TOPBP1: variants seen among roughly 807,000 people sequenced by gnomAD.
The protein encoded by TOPBP1 is DNA topoisomerase II binding protein 1.
TOPBP1 carries 28 observed loss-of-function variants against 167.7 expected under a neutral mutation model. The observed-to-expected ratio is 0.17, with a 90% CI of 0.12 to 0.23. TOPBP1 has a LOEUF of 0.23. TOPBP1 is among the 10% of genes least tolerant of loss of function. TOPBP1 has a pLI of 1.00. For synonymous variants in TOPBP1, 598 were observed against 611.4 expected, an observed-to-expected ratio of 0.98 and a Z score of 0.32; for missense variants, 1,554 against 1,809.6, an observed-to-expected ratio of 0.86 and a Z score of 2.56.
chr3:133,629,554 C>T (rs1935393003), intron 14 of TOPBP1, among the ~76,000 whole-genome samples: 1 of 152,090 alleles, frequency 6.6e-6, no homozygotes, highest in African/African-American at 2.4e-5. Context: ...CAGTTAGACC[C>T]AATTTCTTTT....
At chr3:133,656,585 G>C in intron 5 of TOPBP1, 91 bp downstream of exon 5, 1 of 1,251,996 alleles carries the variant, frequency 8.0e-7, no homozygotes. Flanking sequence ...TTTTTTCCCT[G>C]AATAGTAAGT....
chr3:133,631,945 A>G (rs1338804983), intron 14 of TOPBP1, among the ~76,000 whole-genome samples: 3 of 151,900 alleles, frequency 2.0e-5, no homozygotes, highest in South Asian at 4.2e-4. Context: ...GCTGATATCC[A>G]GTTGTTTAAA....
At chr3:133,654,075 C>T (rs6779063) in intron 6 of TOPBP1, among the ~76,000 whole-genome samples, 1 of 152,036 alleles carries the variant, frequency 6.6e-6, no homozygotes, top group East Asian at 1.9e-4. Flanking sequence ...AATACATATG[C>T]CATGTGAGAG....
Position 133,608,663 on chromosome 3 carries a change from C to T in TOPBP1, c.4297G>A (p.Glu1433Lys). The part of the protein sequence containing the change: ...LPGHSVPLFK[E>K]ATHLFSDLNK... ...AAGTCAGAAAAAAGATGTGTGGCCT[C>T]TTTAAATAAAGGTACAGAATGACCA... Residue 1433 changes from glutamate (E) to lysine (K), a missense_variant, in exon 27 of 28, where the codon GAG becomes AAG. Transcript: ENST00000260810. 1 of 1,613,530 alleles carries T rather than the reference C, an allele frequency of 6.2e-7. No individual in the cohort carries two copies. The highest frequency in any genetic ancestry group is 2.2e-5 in the East Asian group (1 of 44,862).
At chr3:133,610,553 G>T (rs1934638697) in intron 25 of TOPBP1, among the ~76,000 whole-genome samples, 1 of 150,544 alleles carries the variant, frequency 6.6e-6, no homozygotes, top group Non-Finnish European at 1.5e-5. Flanking sequence ...AGGTACAGTT[G>T]ATAGTGTTGT....
Position 133,649,716 on chromosome 3 carries a change from TG to T in TOPBP1, c.1253+63del, listed in dbSNP as rs1257163403. On this transcript the variant is annotated intron_variant, in intron 9 of 27. Coordinates refer to ENST00000260810, the MANE Select transcript of TOPBP1 (RefSeq NM_007027.4). ...TTGTCATGCAGTTTCCAGAACTGCG[TG>T]GATATGCAATTTTAAGAAAAATTAT... 9 of 1,585,186 alleles carry T rather than the reference TG, an allele frequency of 5.7e-6. No individual in the cohort carries two copies. In the African/African-American group the frequency reaches 1.1e-4, roughly 19 times the overall value.
At chr3:133,608,056 A>C (rs1366125644) in intron 27 of TOPBP1, among the ~76,000 whole-genome samples, 2 of 152,176 alleles carry the variant, frequency 1.3e-5, no homozygotes, top group African/African-American at 4.8e-5. Context: ...TGGTGTCAGA[A>C]GATTTTTCTT....
At chr3:133,624,219 C>A in intron 16 of TOPBP1, 44 bp from the exon 17 acceptor site, 1 of 1,596,984 alleles carries the variant, frequency 6.3e-7, no homozygotes, top group East Asian at 2.2e-5. Context: ...AGAGAAACAT[C>A]CTCATTAGTT....
At chr3:133,617,076 C>T in intron 22 of TOPBP1, 84 bp downstream of exon 22, 1 of 1,471,068 alleles carries the variant, frequency 6.8e-7, no homozygotes, top group African/African-American at 1.4e-5. Flanking sequence ...TTTGATGAAG[C>T]CTTGATATTG....
intron 14 of TOPBP1, among the ~76,000 whole-genome samples, chr3:133,634,653 T>C (rs1935607250): frequency 6.6e-6 from 1 of 151,908 alleles, no homozygotes; most frequent in South Asian, 2.1e-4. Flanking sequence ...AGCAAGGCAG[T>C]AGTGGAAGAG....
chr3:133,620,034 T>G, intron 20 of TOPBP1, 121 bp downstream of exon 20: 1 of 1,051,350 alleles, frequency 9.5e-7, no homozygotes, highest in Non-Finnish European at 1.3e-6. Flanking sequence ...TACTGCATAT[T>G]GGGGAAAAAA....
intron 23 of TOPBP1, among the ~76,000 whole-genome samples, chr3:133,616,062 G>T (rs897331101): frequency 6.6e-6 from 1 of 151,782 alleles, no homozygotes; most frequent in Non-Finnish European, 1.5e-5. Flanking sequence ...GACAACCAGT[G>T]GAATAAGAAT....
At chr3:133,625,416 AG>A (rs1361657232) in intron 16 of TOPBP1, among the ~76,000 whole-genome samples, 1 of 152,190 alleles carries the variant, frequency 6.6e-6, no homozygotes, top group East Asian at 1.9e-4. Flanking sequence ...AATATCTCTG[AG>A]CTTTTTAAAT....
chr3:133,601,158 T>C lies in TOPBP1; in HGVS notation c.*92A>G. 2.6e-6 allele frequency: 3 copies of C among 1,144,940 alleles called. No individual in the cohort carries two copies. The highest frequency in any genetic ancestry group is 3.7e-6 in the Non-Finnish European group (3 of 810,626). The allele number at this position is 1,144,940 out of a possible 1,614,324, so 70.9% of individuals were successfully genotyped here. On this transcript the variant is annotated 3_prime_UTR_variant, in exon 28 of 28. Transcript: ENST00000260810. The stretch of plus-strand genomic sequence containing the variant: ...TGAAGCAGAATTCTTCAGGTACTCA[T>C]CTTTAAATTACTACCCAAATCTATC...
intron 12 of TOPBP1, among the ~76,000 whole-genome samples, chr3:133,642,769 G>GA (rs1935937206): frequency 6.6e-6 from 1 of 152,136 alleles, no homozygotes; most frequent in Admixed American, 6.6e-5. Context: ...TTTATAAAGG[G>GA]AAACTTTGTC....
At chr3:133,660,804 G>C (rs1936676751) in intron 2 of TOPBP1, among the ~76,000 whole-genome samples, 1 of 152,112 alleles carries the variant, frequency 6.6e-6, no homozygotes, top group Non-Finnish European at 1.5e-5. Flanking sequence ...TAATTTCCAA[G>C]AACTGTAGGT....
chr3:133,660,952 A>G, intron 2 of TOPBP1, 92 bp downstream of exon 2: 1 of 875,772 alleles, frequency 1.1e-6, no homozygotes, highest in Non-Finnish European at 1.7e-6. Flanking sequence ...TGAAAGTGAA[A>G]TATCTACTTC....
chr3:133,653,577 A>C, intron 6 of TOPBP1, 53 bp from the exon 7 acceptor site: 1 of 1,391,684 alleles, frequency 7.2e-7, no homozygotes, highest in East Asian at 2.5e-5. Context: ...CCAAGAAATG[A>C]AAACCATTAC....
rs1935152121 is a variant in TOPBP1, at chr3:133,623,181, T to A, written c.3088A>T (p.Ile1030Phe). 1 of 1,611,926 alleles carries A rather than the reference T, an allele frequency of 6.2e-7. No individual in the cohort carries two copies. The highest frequency in any genetic ancestry group is 1.1e-5 in the South Asian group (1 of 90,736). ...TTGTCTACATCATTTTCTTCTAAAA[T>A]CAAAGGATCTGGCTATTGAAAAAGA... is the stretch of plus-strand genomic sequence containing the variant. ...STKDDEPDPL[I>F]LEENDVDNMA... The change falls in exon 19 of 28, where the codon ATT becomes TTT. Residue 1030 changes from isoleucine to phenylalanine, a missense_variant. Ile to Phe is a conservative substitution (Grantham distance 21). Around this residue, in one of 3 missense-constraint regions of TOPBP1, gnomAD observed 1,197 missense variants for 1,351.5 expected, o/e 0.89. Coordinates refer to ENST00000260810, the MANE Select transcript of TOPBP1 (RefSeq NM_007027.4).
Sources: gnomAD v4.1 joint callset for allele counts (sites outside exome capture counted in the v4.1 genomes callset) on GRCh38, gnomAD v4.1.1 for gene constraint, gnomAD v4.1.1 regional missense constraint, MANE v1.5 for transcripts, NCBI Gene and HGNC (gene_info 2026-07-23, HGNC 2026-07-21) for gene names.